The following CNTN3 variants were observed in gnomAD, a reference collection of about 807,000 sequenced individuals.
CNTN3 encodes contactin-3.
Under a neutral mutation model 119.1 loss-of-function variants are expected in CNTN3, and 60 were observed. That is an observed-to-expected ratio of 0.50 (90% CI 0.41 to 0.62). The LOEUF (loss-of-function observed/expected upper bound fraction) is 0.62, where lower values mean the gene tolerates loss of function less well. Among genes scored for constraint, CNTN3 ranks in the 20% least tolerant of loss-of-function variants. The pLI is 0.00. For missense variants in CNTN3, 1,101 were observed against 1,242.4 expected (o/e 0.89, Z 1.71); for synonymous variants, 450 against 438.7 (o/e 1.03, Z -0.32).
At chr3:74,302,262 C>G (rs1702475672) in intron 14 of CNTN3, among the ~76,000 whole-genome samples, 2 of 152,222 alleles carry the variant, frequency 1.3e-5, no homozygotes. Flanking sequence ...GTATCCTGGG[C>G]AGCAGCTCAG....
chr3:74,572,999 A>G (rs1704358584), intron 1 of CNTN3, among the ~76,000 whole-genome samples: 1 of 152,190 alleles, frequency 6.6e-6, no homozygotes. Context: ...GGGAGTGTGG[A>G]TGTTCATGGC....
chr3:74,564,916 A>G (rs546052405), intron 1 of CNTN3, among the ~76,000 whole-genome samples: 1 of 152,192 alleles, frequency 6.6e-6, no homozygotes, highest in South Asian at 2.1e-4. Context: ...GCTGGTACTA[A>G]GACAGAATAT....
At chr3:74,532,693 C>T (rs1013368636) in intron 1 of CNTN3, among the ~76,000 whole-genome samples, 1 of 151,930 alleles carries the variant, frequency 6.6e-6, no homozygotes, top group Non-Finnish European at 1.5e-5. Context: ...TTTCATCACA[C>T]TGCTCGGAAT....
intron 1 of CNTN3, among the ~76,000 whole-genome samples, chr3:74,583,402 T>C (rs1704545698): frequency 1.3e-5 from 2 of 151,646 alleles, no homozygotes; most frequent in Non-Finnish European, 2.9e-5. Flanking sequence ...AAACCAGTGA[T>C]ACATGCAACA....
chr3:74,523,113 A>G (rs1002983035), intron 1 of CNTN3, among the ~76,000 whole-genome samples: 4 of 151,454 alleles, frequency 2.6e-5, no homozygotes, highest in East Asian at 2.0e-4. Context: ...CTTCTGCTCA[A>G]TCAATGACAT....
chr3:74,587,542 G>A lies in CNTN3; in HGVS notation c.-81+26849C>T, dbSNP rs575980391. On this transcript the variant is annotated intron_variant, in intron 1 of 22. Transcript: ENST00000263665. ...CACTTATGGTGGATATGCAGTATGG[G>A]AAGAAATAAGCTCTAGATGCATTAA... 2.0e-5 allele frequency among the ~76,000 whole-genome samples: 3 copies of A among 152,162 alleles called. No individual in the cohort carries two copies. The South Asian group carries it at 6.2e-4, about 32-fold the overall frequency.
rs1419038546 is a variant in CNTN3, at chr3:74,595,051, T to C, written c.-81+19340A>G. Among the ~76,000 whole-genome samples the C allele has an allele frequency of 7.9e-5, 12 of 152,182 alleles. No homozygotes were observed. In the East Asian group the frequency reaches 1.7e-3, roughly 22 times the overall value. On this transcript the variant is annotated intron_variant, in intron 1 of 22. Transcript: ENST00000263665. ...TTTGCATTTCTCTGATGGCCAGTGA[T>C]GATGAGCATTTTTTCATGTGTCTTT...
At position 74,563,460 on chromosome 3, in the gene CNTN3, TAC is replaced by T. The variant is rs754844101; in HGVS notation, c.-80-42270_-80-42269del. On this transcript the variant is annotated intron_variant, in intron 1 of 22. Transcript: ENST00000263665. ...TTATTATTATTAATATGTAATAATT[TAC>T]AGTTACCCTAACATTCCTTTTACTG... Among the ~76,000 whole-genome samples the T allele has an allele frequency of 9.4e-4, 143 of 152,164 alleles. 3 individuals are homozygous for T. The highest frequency in any genetic ancestry group is 2.5e-4 in the Non-Finnish European group (17 of 68,018).
intron 1 of CNTN3, among the ~76,000 whole-genome samples, chr3:74,532,603 G>A (rs999372610): frequency 3.3e-5 from 5 of 151,948 alleles, no homozygotes; most frequent in African/African-American, 9.7e-5. Flanking sequence ...ACTCACAGGT[G>A]GGGAGCGTCC....
At chr3:74,480,171 G>A (rs1237511318) in intron 4 of CNTN3, among the ~76,000 whole-genome samples, 1 of 151,984 alleles carries the variant, frequency 6.6e-6, no homozygotes, top group Non-Finnish European at 1.5e-5. Flanking sequence ...ACTGGTTCCA[G>A]TCCTCTACAG....
chr3:74,352,704 A>G (rs1462497587), intron 11 of CNTN3, among the ~76,000 whole-genome samples: 1 of 152,184 alleles, frequency 6.6e-6, no homozygotes, highest in African/African-American at 2.4e-5. Flanking sequence ...CCTTCCTTCT[A>G]GGCAGAAGGC....
intron 13 of CNTN3, among the ~76,000 whole-genome samples, chr3:74,332,268 G>A (rs1276090087): frequency 2.0e-5 from 3 of 152,192 alleles, no homozygotes; most frequent in Non-Finnish European, 2.9e-5. Context: ...CCCTTCTCAT[G>A]CAACAGAAAA....
At chr3:74,398,548 G>T (rs1052261486) in intron 5 of CNTN3, among the ~76,000 whole-genome samples, 1 of 152,188 alleles carries the variant, frequency 6.6e-6, no homozygotes, top group Non-Finnish European at 1.5e-5. Flanking sequence ...TGCCATATTT[G>T]CTTTATTGAG....
chr3:74,532,992 T>C lies in CNTN3; in HGVS notation c.-80-11800A>G, dbSNP rs1703714628. On this transcript the variant is annotated intron_variant, in intron 1 of 22. Coordinates refer to ENST00000263665, the MANE Select transcript of CNTN3 (RefSeq NM_020872.3). ...TATGCTGAAAAGGGAATAGAAGTGA[T>C]GAACCCTATCCCATGGCCAAAACAG... Among the ~76,000 whole-genome samples, 3 of 151,984 alleles carry C rather than the reference T, an allele frequency of 2.0e-5. No homozygotes were observed. The South Asian group carries it at 6.2e-4, about 31-fold the overall frequency.
In CNTN3 at chr3:74,486,552, T is replaced by G; in HGVS notation, c.262A>C (p.Asn88His). 6.2e-7 allele frequency: 1 copy of G among 1,609,914 alleles called. No individual in the cohort carries two copies. Among genetic ancestry groups the G allele is most frequent in the Non-Finnish European group, 8.5e-7 (1 of 1,178,812 alleles). Residue 88 changes from asparagine to histidine, a missense_variant, in exon 4 of 23, where the codon AAT becomes CAT. Coordinates refer to ENST00000263665, the MANE Select transcript of CNTN3 (RefSeq NM_020872.3). ...KLNGGNLVVI[N>H]PNRNWDTGTY... ...CCTGTATCCCAATTTCTGTTGGGAT[T>G]AATAACCACAAGATTTCCTCCATTC... is the stretch of plus-strand genomic sequence containing the variant.
chr3:74,447,880 A>G (rs1324635680), intron 4 of CNTN3, among the ~76,000 whole-genome samples: 1 of 152,132 alleles, frequency 6.6e-6, no homozygotes, highest in Non-Finnish European at 1.5e-5. Context: ...GCAGATAAAA[A>G]CAATCTTAAT....
At chr3:74,287,905 C>A (rs762405826) in intron 19 of CNTN3, among the ~76,000 whole-genome samples, 1 of 152,190 alleles carries the variant, frequency 6.6e-6, no homozygotes, top group Non-Finnish European at 1.5e-5. Context: ...TCCAGTAAAA[C>A]CAACCCTTTG....
intron 8 of CNTN3, among the ~76,000 whole-genome samples, chr3:74,367,032 G>A (rs1575664177): frequency 6.7e-6 from 1 of 149,312 alleles, no homozygotes; most frequent in Admixed American, 6.7e-5. Context: ...TAATTCGCTG[G>A]ACTAAAAAAT....
rs192538003 is a variant in CNTN3, at chr3:74,377,626, G to A, written c.455-6227C>T. 4.4e-4 allele frequency among the ~76,000 whole-genome samples: 67 copies of A among 152,260 alleles called. No individual in the cohort carries two copies. The East Asian group carries it at 0.012, about 27-fold the overall frequency. On this transcript the variant is annotated intron_variant, in intron 5 of 22. Transcript: ENST00000263665. ...AAATCACAAGCACATTATGCCAAAC[G>A]ATTTGGCCAGTGGGCTTTCTATTAA...
Sources: gnomAD v4.1 joint callset for allele counts (sites outside exome capture counted in the v4.1 genomes callset) on GRCh38, gnomAD v4.1.1 for gene constraint, MANE v1.5 for transcripts, NCBI Gene and HGNC (gene_info 2026-07-23, HGNC 2026-07-21) for gene names.